The following BACH2 variants were observed in gnomAD, a reference collection of about 807,000 sequenced individuals.
BACH2 encodes the protein BACH transcriptional regulator 2.
Under a neutral mutation model 61.8 loss-of-function variants are expected in BACH2, and 5 were observed. That is an observed-to-expected ratio of 0.08 (90% confidence interval 0.04 to 0.17). The LOEUF (loss-of-function observed/expected upper bound fraction) is 0.17, where lower values mean the gene tolerates loss of function less well. Among genes scored for constraint, BACH2 ranks in the 10% least tolerant of loss-of-function variants. BACH2 has a pLI of 1.00. For synonymous variants in BACH2, 446 were observed against 440.1 expected, an observed-to-expected ratio of 1.01 and a Z score of -0.17; for missense variants, 824 against 1,091.1, an observed-to-expected ratio of 0.76 and a Z score of 3.45.
At chr6:90,026,025 T>C (rs1778618641) in intron 5 of BACH2, among the ~76,000 whole-genome samples, 1 of 152,048 alleles carries the variant, frequency 6.6e-6, no homozygotes, top group Non-Finnish European at 1.5e-5. Flanking sequence ...CTTCATCGGG[T>C]GGGAGGGGAG....
At chr6:89,987,091 G>C (rs1230890947) in intron 6 of BACH2, among the ~76,000 whole-genome samples, 1 of 152,140 alleles carries the variant, frequency 6.6e-6, no homozygotes, top group African/African-American at 2.4e-5. Flanking sequence ...CAACTGGTGA[G>C]CTACTCCAGG....
At chr6:90,062,107 T>A (rs1780716794) in intron 5 of BACH2, among the ~76,000 whole-genome samples, 1 of 152,164 alleles carries the variant, frequency 6.6e-6, no homozygotes, top group Admixed American at 6.6e-5. Flanking sequence ...GGGAATATTT[T>A]CAGGGAAAAT....
At chr6:90,050,639 A>G (rs895925404) in intron 5 of BACH2, among the ~76,000 whole-genome samples, 1 of 152,236 alleles carries the variant, frequency 6.6e-6, no homozygotes, top group Non-Finnish European at 1.5e-5. Context: ...TATGTTATTC[A>G]TGTTAACATG....
chr6:90,039,788 TTTAA>T (rs1779442877), intron 5 of BACH2, among the ~76,000 whole-genome samples: 1 of 152,168 alleles, frequency 6.6e-6, no homozygotes, highest in East Asian at 1.9e-4. Flanking sequence ...AAAAACAGCG[TTTAA>T]TTATAGTTTT....
chr6:90,050,236 A>G (rs1043093050), intron 5 of BACH2, among the ~76,000 whole-genome samples: 8 of 152,242 alleles, frequency 5.3e-5, no homozygotes, highest in African/African-American at 1.7e-4. Flanking sequence ...CCAATCATAC[A>G]AAATCATACT....
At chr6:90,013,029 T>C (rs1388663523) in intron 5 of BACH2, among the ~76,000 whole-genome samples, 1 of 152,226 alleles carries the variant, frequency 6.6e-6, no homozygotes, top group African/African-American at 2.4e-5. Flanking sequence ...ATGAATATTT[T>C]TGATGCCATT....
intron 3 of BACH2, among the ~76,000 whole-genome samples, chr6:90,217,479 T>C (rs1191057002): frequency 6.6e-6 from 1 of 152,142 alleles, no homozygotes; most frequent in Admixed American, 6.5e-5. Flanking sequence ...ATTGAAGAAA[T>C]GCATCATAAC....
At chr6:89,945,263 C>T (rs1057084756) in intron 7 of BACH2, among the ~76,000 whole-genome samples, 2 of 152,188 alleles carry the variant, frequency 1.3e-5, no homozygotes, top group African/African-American at 2.4e-5. Flanking sequence ...GTGGAAACAA[C>T]CCACATGGCC....
At chr6:89,994,157 G>A (rs533362048) in intron 6 of BACH2, among the ~76,000 whole-genome samples, 2 of 152,260 alleles carry the variant, frequency 1.3e-5, no homozygotes, top group African/African-American at 2.4e-5. Context: ...ACTTCAGTAT[G>A]TGTATACCAA....
At chr6:90,123,537 G>A (rs1437120621) in intron 4 of BACH2, among the ~76,000 whole-genome samples, 4 of 151,764 alleles carry the variant, frequency 2.6e-5, no homozygotes, top group African/African-American at 7.3e-5. Flanking sequence ...TTGGGAGGCC[G>A]AGGCGGGCGG....
At chr6:90,057,662 A>T (rs547382739) in intron 5 of BACH2, among the ~76,000 whole-genome samples, 113 of 152,332 alleles carry the variant, frequency 7.4e-4, no homozygotes, top group African/African-American at 2.5e-3. Flanking sequence ...CCTGGCAGAG[A>T]CACAACAAAA....
intron 5 of BACH2, among the ~76,000 whole-genome samples, chr6:90,073,572 A>G (rs1041601874): frequency 6.6e-6 from 1 of 152,180 alleles, no homozygotes; most frequent in Admixed American, 6.5e-5. Context: ...CAGTTAACAC[A>G]TGCTCTCCTC....
intron 2 of BACH2, among the ~76,000 whole-genome samples, chr6:90,271,603 AAAG>A (rs1771527274): frequency 6.6e-6 from 1 of 152,196 alleles, no homozygotes; most frequent in Non-Finnish European, 1.5e-5. Context: ...ACAATTCTCA[AAAG>A]AAGACATCCA....
intron 4 of BACH2, among the ~76,000 whole-genome samples, chr6:90,107,545 T>C (rs960371260): frequency 6.6e-6 from 1 of 152,194 alleles, no homozygotes; most frequent in African/African-American, 2.4e-5. Context: ...CATGATTTCA[T>C]TAATGCTTTG....
intron 4 of BACH2, among the ~76,000 whole-genome samples, chr6:90,097,236 C>T (rs910969203): frequency 6.6e-6 from 1 of 151,694 alleles, no homozygotes; most frequent in Non-Finnish European, 1.5e-5. Context: ...CCGTGGACTA[C>T]ATCTGTCCAC....
chr6:90,221,513 C>G (rs907439482), intron 3 of BACH2, among the ~76,000 whole-genome samples: 1 of 152,152 alleles, frequency 6.6e-6, no homozygotes, highest in Admixed American at 6.5e-5. Flanking sequence ...TTACTACACA[C>G]GAGGTACTGC....
chr6:89,966,899 C>T (rs889681048), intron 6 of BACH2, among the ~76,000 whole-genome samples: 1 of 152,208 alleles, frequency 6.6e-6, no homozygotes, highest in African/African-American at 2.4e-5. Flanking sequence ...AGGGGTCTCA[C>T]TCTGTTGCTC....
chr6:89,994,759 C>G (rs945723747), intron 6 of BACH2, among the ~76,000 whole-genome samples: 1 of 152,144 alleles, frequency 6.6e-6, no homozygotes, highest in Non-Finnish European at 1.5e-5. Context: ...ATCCACCTAC[C>G]CATTCAAATA....
chr6:89,950,857 C>T lies in BACH2; in HGVS notation c.1249G>A (p.Glu417Lys). ...MGSPLRGPGL[E>K]ALCKQEGELD... ...TCTCCCTCCTGTTTACAGAGAGCCTCCAACCCAGGCCCCCTGAGGGGCGAC... is the reference window on the plus strand; with the variant it reads ...TCTCCCTCCTGTTTACAGAGAGCCTTCAACCCAGGCCCCCTGAGGGGCGAC... The change falls in exon 7 of 9, where the codon GAG becomes AAG. Residue 417 changes from glutamate to lysine, a missense_variant. Around this residue, in one of 8 missense-constraint regions of BACH2, gnomAD observed 226 missense variants for 228.5 expected, o/e 0.99. Transcript: ENST00000257749. The surrounding 1 kb of genome is among the most constrained non-coding windows in gnomAD (Gnocchi z 5.3). The T allele has an allele frequency of 6.2e-7, 1 of 1,612,394 alleles. No individual in the cohort carries two copies. Among genetic ancestry groups the T allele is most frequent in the Non-Finnish European group, 8.5e-7 (1 of 1,179,004 alleles).
Sources: gnomAD v4.1 joint callset for allele counts (sites outside exome capture counted in the v4.1 genomes callset) on GRCh38, gnomAD v4.1.1 for gene constraint, gnomAD v4.1.1 regional missense constraint, Gnocchi (gnomAD v3.1) non-coding constraint, MANE v1.5 for transcripts, NCBI Gene and HGNC (gene_info 2026-07-23, HGNC 2026-07-21) for gene names.